Variants in FAM78B observed in about 807,000 individuals in gnomAD.
FAM78B encodes protein FAM78B.
In FAM78B, 10 loss-of-function variants were observed where a neutral mutation model predicts 20.0. The ratio of observed to expected loss-of-function variants is 0.50; its 90% CI spans 0.31 to 0.85. FAM78B has a LOEUF of 0.85. Ranked by LOEUF, FAM78B falls within the 40% of genes least tolerant of loss-of-function variation. The probability of loss-of-function intolerance (pLI) is 0.05; values close to 1 mark genes in which losing one functional copy is unlikely to be tolerated. For missense variants in FAM78B, 283 were observed against 345.0 expected, an observed-to-expected ratio of 0.82 and a Z score of 1.42; for synonymous variants, 135 against 132.8, an observed-to-expected ratio of 1.02 and a Z score of -0.12.
At chr1:166,056,108 C>A (rs763807525), downstream of FAM78B, among the ~76,000 whole-genome samples, 1 of 152,148 alleles carries the variant, frequency 6.6e-6, no homozygotes, top group African/African-American at 2.4e-5. Context: ...AGGGTAGAGG[C>A]GTCTTAGTTA....
intron 1 of FAM78B, among the ~76,000 whole-genome samples, chr1:166,071,328 TCATAA>T (rs1339763343): frequency 6.6e-6 from 1 of 152,204 alleles, no homozygotes; most frequent in Non-Finnish European, 1.5e-5. Flanking sequence ...GCATAGAAAA[TCATAA>T]CATGAGAAAA....
At chr1:166,164,493 T>C (rs1349211427) in intron 1 of FAM78B, among the ~76,000 whole-genome samples, 1 of 152,252 alleles carries the variant, frequency 6.6e-6, no homozygotes, top group Non-Finnish European at 1.5e-5. Flanking sequence ...CATCTAGCTG[T>C]CTTCTCTGGA....
chr1:166,094,003 C>CTCTGTGTGTGTGTGTGTGTGTGTGTG (rs1553217256), intron 1 of FAM78B, among the ~76,000 whole-genome samples: 1 of 125,520 alleles, frequency 8.0e-6, no homozygotes, highest in Admixed American at 8.0e-5. Context: ...TTGCGAATGA[C>CTCTGTGTGTGTGTGTGTGTGTGTGTG]TGTGTGTGTG....
chr1:166,157,348 A>G (rs1026115024), intron 1 of FAM78B, among the ~76,000 whole-genome samples: 1 of 151,346 alleles, frequency 6.6e-6, no homozygotes, highest in African/African-American at 2.4e-5. Context: ...TGGCATTAGG[A>G]TGGGGAGATC....
At chr1:166,092,743 A>G (rs1339698672) in intron 1 of FAM78B, among the ~76,000 whole-genome samples, 1 of 152,170 alleles carries the variant, frequency 6.6e-6, no homozygotes, top group Non-Finnish European at 1.5e-5. Context: ...CATCCCAAAC[A>G]TACTCTTTAA....
rs118009200 is a variant in FAM78B at position 166,060,804 on chromosome 1, A to G, written c.*410-141T>C. 498 of 357,618 alleles carry G rather than the reference A, an allele frequency of 1.4e-3. 5 individuals carry two copies. The East Asian group carries it at 0.032, about 23-fold the overall frequency. The allele number at this position is 357,618 out of a possible 1,614,324, so 22.2% of individuals were successfully genotyped here. ...GGAGATGACCCTGAAATTTTACAAA[A>G]AATTTTTGGTATTTATTTTCATATG... On this transcript the variant is annotated intron_variant and NMD_transcript_variant, in intron 2 of 2. Coordinates refer to the FAM78B transcript ENST00000435676.
At chr1:166,064,588 T>A (rs1313469787), downstream of FAM78B, among the ~76,000 whole-genome samples, 1 of 152,120 alleles carries the variant, frequency 6.6e-6, no homozygotes, top group Non-Finnish European at 1.5e-5. Flanking sequence ...GTTTCACGCC[T>A]CCCTGAACAA....
intron 1 of FAM78B, among the ~76,000 whole-genome samples, chr1:166,101,643 G>C (rs1382553074): frequency 6.6e-6 from 1 of 152,204 alleles, no homozygotes; most frequent in Non-Finnish European, 1.5e-5. Flanking sequence ...AATGAAGTGA[G>C]AAGGAAGTTT....
At chr1:166,056,008 A>G (rs987422329), downstream of FAM78B, among the ~76,000 whole-genome samples, 1 of 152,214 alleles carries the variant, frequency 6.6e-6, no homozygotes, top group Non-Finnish European at 1.5e-5. Context: ...ATGCATTCTG[A>G]TAGAGAAGAT....
At chr1:166,124,189 C>T (rs1441199167) in intron 1 of FAM78B, among the ~76,000 whole-genome samples, 1 of 152,176 alleles carries the variant, frequency 6.6e-6, no homozygotes, top group Admixed American at 6.5e-5. Context: ...CACCCTTTTC[C>T]TGGAACATCT....
chr1:166,154,874 CAT>C, intron 1 of FAM78B: 1 of 470,598 alleles, frequency 2.1e-6, no homozygotes, highest in Admixed American at 2.4e-5. Flanking sequence ...TTTCCCGCAC[CAT>C]CCTAACACCC....
intron 1 of FAM78B, among the ~76,000 whole-genome samples, chr1:166,162,021 G>A (rs959458067): frequency 2.0e-4 from 30 of 152,166 alleles, no homozygotes; most frequent in African/African-American, 7.2e-4. Flanking sequence ...TGTACTTTGA[G>A]GTAAGATGGA....
intron 1 of FAM78B, among the ~76,000 whole-genome samples, chr1:166,143,735 G>T (rs898285134): frequency 6.6e-6 from 1 of 152,002 alleles, no homozygotes; most frequent in African/African-American, 2.4e-5. Flanking sequence ...GGGTGGAGAG[G>T]GAAGCAGAGA....
intron 1 of FAM78B, among the ~76,000 whole-genome samples, chr1:166,148,942 A>G (rs949251001): frequency 1.3e-5 from 2 of 152,140 alleles, no homozygotes; most frequent in Non-Finnish European, 2.9e-5. Context: ...ATGATTTCCA[A>G]TTTCATCCTT....
intron 1 of FAM78B, among the ~76,000 whole-genome samples, chr1:166,140,257 C>T (rs1326591321): frequency 6.6e-6 from 1 of 152,238 alleles, no homozygotes; most frequent in African/African-American, 2.4e-5. Flanking sequence ...GGCTTCTAAG[C>T]GTCCTGGAGA....
chr1:166,099,606 G>A (rs760982553), intron 1 of FAM78B, among the ~76,000 whole-genome samples: 5 of 152,266 alleles, frequency 3.3e-5, no homozygotes, highest in East Asian at 1.9e-4. Flanking sequence ...GGGTAGCAGC[G>A]AGCAGGGGTA....
intron 1 of FAM78B, among the ~76,000 whole-genome samples, chr1:166,076,741 T>G (rs1652291207): frequency 1.3e-5 from 2 of 152,194 alleles, no homozygotes. Flanking sequence ...ACATATCAAA[T>G]TGATCTGAAG....
intron 1 of FAM78B, among the ~76,000 whole-genome samples, chr1:166,137,058 C>G (rs977073120): frequency 6.6e-6 from 1 of 152,156 alleles, no homozygotes; most frequent in African/African-American, 2.4e-5. Flanking sequence ...TCCTACAGAT[C>G]TATAGAAAAG....
rs375630314 is a variant in FAM78B, at chr1:166,070,194, C to A, written c.*47G>T. ...CCTGCCACCCCTGGCACCCTCACTGCATGTCTCAGAGGCGTGTGATCCACA... is the reference window on the plus strand; with the variant it reads ...CCTGCCACCCCTGGCACCCTCACTGAATGTCTCAGAGGCGTGTGATCCACA... On this transcript the variant is annotated 3_prime_UTR_variant, in exon 2 of 2. Transcript: ENST00000354422. 2.9e-4 allele frequency: 420 copies of A among 1,460,978 alleles called. 4 individuals carry two copies. In the African/African-American group the frequency reaches 4.5e-3, roughly 15 times the overall value. The allele number at this position is 1,460,978 out of a possible 1,614,324, so 90.5% of individuals were successfully genotyped here.
Sources: gnomAD v4.1 joint callset for allele counts (sites outside exome capture counted in the v4.1 genomes callset) on GRCh38, gnomAD v4.1.1 for gene constraint, MANE v1.5 for transcripts, NCBI Gene and HGNC (gene_info 2026-07-23, HGNC 2026-07-21) for gene names.